The following SLIT3 variants were observed in gnomAD, a reference collection of about 807,000 sequenced individuals.
SLIT3 encodes the protein slit guidance ligand 3.
In SLIT3, 68 loss-of-function variants were observed where a neutral mutation model predicts 184.0. That is an observed-to-expected ratio of 0.37 (90% CI 0.30 to 0.45). The LOEUF is 0.45. Ranked by LOEUF, SLIT3 falls within the 20% of genes least tolerant of loss-of-function variation. The probability of loss-of-function intolerance (pLI) is 1.00; values close to 1 mark genes in which losing one functional copy is unlikely to be tolerated. For synonymous variants in SLIT3, 831 were observed against 828.6 expected, an observed-to-expected ratio of 1.00 and a Z score of -0.05; for missense variants, 1,707 against 2,026.0, an observed-to-expected ratio of 0.84 and a Z score of 3.02.
At chr5:169,207,339 A>T (rs1257946755) in intron 3 of SLIT3, among the ~76,000 whole-genome samples, 2 of 147,894 alleles carry the variant, frequency 1.4e-5, no homozygotes, top group Non-Finnish European at 3.0e-5. Context: ...CCTCTGGACC[A>T]CTATCTTTCT....
At chr5:168,707,937 C>G in intron 26 of SLIT3, 39 bp downstream of exon 26, 8 of 1,612,964 alleles carry the variant, frequency 5.0e-6, no homozygotes, top group Non-Finnish European at 6.8e-6. Context: ...AAGGAGGAGC[C>G]TGAGGCATGA....
intron 1 of SLIT3, among the ~76,000 whole-genome samples, chr5:169,266,089 T>C (rs965857765): frequency 1.3e-5 from 2 of 152,216 alleles, no homozygotes; most frequent in African/African-American, 4.8e-5. Flanking sequence ...GTCCAAAAGT[T>C]TCACCTTTTA....
chr5:168,924,902 C>A (rs951790465), intron 4 of SLIT3, among the ~76,000 whole-genome samples: 1 of 152,058 alleles, frequency 6.6e-6, no homozygotes, highest in Non-Finnish European at 1.5e-5. Flanking sequence ...CAGAGCAGAG[C>A]GGAGAAAGAA....
intron 3 of SLIT3, among the ~76,000 whole-genome samples, chr5:169,209,719 T>C (rs760425044): frequency 3.9e-5 from 6 of 152,052 alleles, no homozygotes; most frequent in Non-Finnish European, 8.8e-5. Flanking sequence ...CACCACATGT[T>C]CTCACTCATA....
chr5:168,850,399 T>C (rs887499591), intron 5 of SLIT3, among the ~76,000 whole-genome samples: 1 of 152,240 alleles, frequency 6.6e-6, no homozygotes, highest in Non-Finnish European at 1.5e-5. Flanking sequence ...CCCCTGTCTA[T>C]AAAACTGACA....
chr5:168,969,199 T>A (rs1213668125), intron 4 of SLIT3, among the ~76,000 whole-genome samples: 1 of 152,204 alleles, frequency 6.6e-6, no homozygotes. Context: ...TTGGTTTATC[T>A]TACCCCACTG....
intron 4 of SLIT3, among the ~76,000 whole-genome samples, chr5:169,184,111 G>T (rs921692399): frequency 2.6e-5 from 4 of 152,098 alleles, no homozygotes; most frequent in African/African-American, 9.7e-5. Flanking sequence ...ATGTATTTAG[G>T]TCTATAAATC....
At position 169,204,091 on chromosome 5, in the gene SLIT3, C is replaced by T. The variant is rs77036400; in HGVS notation, c.342-10541G>A. On this transcript the variant is annotated intron_variant, in intron 3 of 35. Transcript: ENST00000519560. ...AGTGTGGACTGAGTTCTGGGCTACA[C>T]GAGCCAGAGAGAGGAGGAAACAGCC... is the stretch of plus-strand genomic sequence containing the variant. 5.8e-3 allele frequency among the ~76,000 whole-genome samples: 879 copies of T among 151,832 alleles called. 11 individuals are homozygous for T. The highest frequency in any genetic ancestry group is 0.02 in the African/African-American group (822 of 41,388).
At chr5:169,265,505 A>G (rs1164011232) in intron 1 of SLIT3, among the ~76,000 whole-genome samples, 2 of 152,222 alleles carry the variant, frequency 1.3e-5, no homozygotes, top group East Asian at 3.9e-4. Flanking sequence ...TACCTGCTTA[A>G]TCTTTTTTCG....
At chr5:169,296,436 T>C (rs1767502739) in intron 1 of SLIT3, among the ~76,000 whole-genome samples, 1 of 152,198 alleles carries the variant, frequency 6.6e-6, no homozygotes, top group African/African-American at 2.4e-5. Context: ...GCTATACCGG[T>C]CCACTGGAGG....
chr5:168,859,785 T>C (rs2113745336), intron 5 of SLIT3, among the ~76,000 whole-genome samples: 1 of 152,298 alleles, frequency 6.6e-6, no homozygotes, highest in African/African-American at 2.4e-5. Context: ...ATGTAGGAGA[T>C]GACCTTTTTG....
chr5:169,184,233 T>C (rs1763260839), intron 4 of SLIT3, among the ~76,000 whole-genome samples: 1 of 152,242 alleles, frequency 6.6e-6, no homozygotes, highest in Admixed American at 6.5e-5. Context: ...GAAAGCTTCA[T>C]AAATTTATGA....
intron 6 of SLIT3, among the ~76,000 whole-genome samples, chr5:168,839,407 C>T (rs772290915): frequency 1.3e-5 from 2 of 152,170 alleles, no homozygotes; most frequent in African/African-American, 2.4e-5. Flanking sequence ...CTACATGCCC[C>T]GTCCAAGGAG....
intron 3 of SLIT3, among the ~76,000 whole-genome samples, chr5:169,208,080 GA>G (rs1230600008): frequency 6.6e-6 from 1 of 151,666 alleles, no homozygotes; most frequent in Non-Finnish European, 1.5e-5. Context: ...AAACAGGGAA[GA>G]AAAAAAAGAA....
chr5:168,819,811 A>G (rs528530749), intron 7 of SLIT3, among the ~76,000 whole-genome samples: 1 of 152,328 alleles, frequency 6.6e-6, no homozygotes, highest in South Asian at 2.1e-4. Context: ...TAATCTTGAT[A>G]CAGATAGTTC....
intron 11 of SLIT3, 76 bp downstream of exon 11, chr5:168,789,484 G>T: frequency 8.8e-7 from 1 of 1,139,730 alleles, no homozygotes; most frequent in Non-Finnish European, 1.3e-6. Context: ...CACCTCCTGA[G>T]AAATATGGTT....
Position 168,769,168 on chromosome 5 carries a change from G to A in SLIT3, c.1459+3613C>T, listed in dbSNP as rs572310822. Among the ~76,000 whole-genome samples the A allele has an allele frequency of 3.4e-4, 52 of 152,214 alleles. No homozygotes were observed. In the South Asian group the frequency reaches 4.8e-3, roughly 14 times the overall value. On this transcript the variant is annotated intron_variant, in intron 14 of 35. Transcript: ENST00000519560. ...TTCCTTAGCTGGAAATTATGGGAGC[G>A]AACAGGATGAACCAATAACCACTGT...
intron 4 of SLIT3, among the ~76,000 whole-genome samples, chr5:168,897,647 T>TGCACACACACACACAC (rs3223457): frequency 0.015 from 2,053 of 141,428 alleles, 39 homozygotes; most frequent in African/African-American, 0.023. Context: ...CAGGTGCACG[T>TGCACACACACACACAC]ACACACACAC....
In SLIT3 at chr5:168,708,057, G is replaced by A. The variant is rs1762430260; in HGVS notation, c.2763C>T (p.Leu921=). Residue 921 remains leucine, a synonymous_variant, in exon 26 of 36, where the codon CTC becomes CTT. Coordinates refer to ENST00000519560, the MANE Select transcript of SLIT3 (RefSeq NM_003062.4). ...TCCCGTTATTCTTGCACGGGCTGGA[G>A]AGGCAGGCATTGCATTTGGCCACAA... ...INIVAKCNAC[L]SSPCKNNGTC... The A allele has an allele frequency of 6.2e-7, 1 of 1,614,202 alleles. No individual in the cohort carries two copies. Among genetic ancestry groups the A allele is most frequent in the Non-Finnish European group, 8.5e-7 (1 of 1,180,036 alleles).
Sources: allele counts gnomAD v4.1 joint callset (sites outside exome capture counted in the v4.1 genomes callset), GRCh38; gene constraint gnomAD v4.1.1; transcripts MANE v1.5; gene names NCBI Gene and HGNC (gene_info 2026-07-23, HGNC 2026-07-21).